Variants in ZNF578 observed in about 807,000 individuals in gnomAD.
ZNF578 encodes zinc finger protein 578.
Under a neutral mutation model 8.3 loss-of-function variants are expected in ZNF578, and 8 were observed. The observed-to-expected ratio is 0.96, with a 90% CI of 0.56 to 1.74. ZNF578 has a LOEUF of 1.74. Ranked by LOEUF, ZNF578 falls within the 40% of genes most tolerant of loss-of-function variation. The probability of loss-of-function intolerance (pLI) is 0.00; values close to 1 mark genes in which losing one functional copy is unlikely to be tolerated. For synonymous variants in ZNF578, 206 were observed against 232.2 expected, an observed-to-expected ratio of 0.89 and a Z score of 1.03; for missense variants, 726 against 707.5, an observed-to-expected ratio of 1.03 and a Z score of -0.30.
intron 1 of ZNF578, chr19:52,455,360 C>T (rs947524552): frequency 6.6e-6 from 1 of 152,152 alleles, no homozygotes; most frequent in Non-Finnish European, 1.5e-5. Flanking sequence ...CTACCACACC[C>T]AGCTACTTTT....
rs779660891 is a variant in ZNF578, at chr19:52,511,537, C to G, written c.1156C>G (p.Leu386Val). The G allele has an allele frequency of 6.2e-7, 1 of 1,613,638 alleles. No individual in the cohort carries two copies. The highest frequency in any genetic ancestry group is 1.3e-5 in the African/African-American group (1 of 74,876). The change falls in exon 6 of 6, where the codon CTT becomes GTT. Residue 386 changes from leucine (L) to valine (V), a missense_variant. By Grantham distance (32) the Leu-to-Val change is conservative (BLOSUM62 1). Coordinates refer to ENST00000421239, the MANE Select transcript of ZNF578 (RefSeq NM_001099694.2). ...CGKMFGQNSTLVIHKAIHTGE... is the reference protein window; with the variant it reads ...CGKMFGQNSTVVIHKAIHTGE... ...CAAGATGTTTGGTCAAAATTCAACC[C>G]TTGTAATTCATAAGGCAATTCATAC...
intron 3 of ZNF578, among the ~76,000 whole-genome samples, chr19:52,492,065 G>A (rs1472821834): frequency 2.0e-5 from 3 of 149,736 alleles, no homozygotes; most frequent in Non-Finnish European, 4.4e-5. Context: ...GGCTGAGGCA[G>A]GAGAATGGCG....
intron 3 of ZNF578, among the ~76,000 whole-genome samples, chr19:52,495,056 G>T (rs1203687639): frequency 6.6e-6 from 1 of 151,376 alleles, no homozygotes; most frequent in Non-Finnish European, 1.5e-5. Flanking sequence ...TATGTTTCCC[G>T]GGGTGGTCTC....
chr19:52,483,615 G>A (rs1191367305), intron 2 of ZNF578, among the ~76,000 whole-genome samples: 15 of 152,190 alleles, frequency 9.9e-5, no homozygotes, highest in East Asian at 9.7e-4. Flanking sequence ...TTATTGTGCA[G>A]TTTGTTTTAT....
At chr19:52,481,170 T>A (rs1269059709) in intron 2 of ZNF578, among the ~76,000 whole-genome samples, 1 of 152,076 alleles carries the variant, frequency 6.6e-6, no homozygotes, top group Non-Finnish European at 1.5e-5. Flanking sequence ...TCTCAGTACC[T>A]CTTTAGGGCA....
chr19:52,494,364 G>T (rs1375248283), intron 3 of ZNF578, among the ~76,000 whole-genome samples: 2 of 152,138 alleles, frequency 1.3e-5, no homozygotes, highest in East Asian at 3.9e-4. Context: ...GGGCATGATA[G>T]TGTAGACCTG....
At chr19:52,505,177 A>T (rs2059421296) in intron 5 of ZNF578, among the ~76,000 whole-genome samples, 1 of 151,700 alleles carries the variant, frequency 6.6e-6, no homozygotes, top group Non-Finnish European at 1.5e-5. Context: ...GTGAGCCACC[A>T]TGCCCAGCTC....
chr19:52,474,403 G>A, intron 2 of ZNF578: 1 of 295,360 alleles, frequency 3.4e-6, no homozygotes, highest in Non-Finnish European at 7.0e-6. Flanking sequence ...CATTACATTT[G>A]TAAGGTTTCT....
chr19:52,489,552 C>G (rs1362403023), intron 2 of ZNF578, among the ~76,000 whole-genome samples: 1 of 152,040 alleles, frequency 6.6e-6, no homozygotes, highest in Non-Finnish European at 1.5e-5. Context: ...CACGCCATTG[C>G]ACTCCAGCCT....
chr19:52,506,259 C>T (rs967829653), intron 5 of ZNF578, among the ~76,000 whole-genome samples: 5 of 152,026 alleles, frequency 3.3e-5, no homozygotes, highest in African/African-American at 9.7e-5. Flanking sequence ...CCACATTTTC[C>T]TCATGTATTT....
At chr19:52,492,252 T>C (rs930290537) in intron 3 of ZNF578, among the ~76,000 whole-genome samples, 9 of 146,336 alleles carry the variant, frequency 6.2e-5, no homozygotes, top group South Asian at 4.4e-4. Flanking sequence ...ACCAGGCTGG[T>C]CTGGACCCCC....
chr19:52,508,416 C>G (rs1170914334), intron 5 of ZNF578, among the ~76,000 whole-genome samples: 1 of 151,938 alleles, frequency 6.6e-6, no homozygotes, highest in Non-Finnish European at 1.5e-5. Flanking sequence ...AAGCCTTAGT[C>G]CTATTCACAA....
At chr19:52,499,020 C>T (rs1031399131) in intron 3 of ZNF578, among the ~76,000 whole-genome samples, 7 of 152,248 alleles carry the variant, frequency 4.6e-5, no homozygotes, top group Non-Finnish European at 8.8e-5. Context: ...ACCAAGGCAG[C>T]CTATTGGCCC....
At chr19:52,460,331 GA>G (rs2059254024) in intron 2 of ZNF578, among the ~76,000 whole-genome samples, 1 of 146,336 alleles carries the variant, frequency 6.8e-6, no homozygotes, top group Admixed American at 6.8e-5. Context: ...TTTTTTTATT[GA>G]TGATGGCCAT....
At chr19:52,485,176 C>G (rs1315328427) in intron 2 of ZNF578, among the ~76,000 whole-genome samples, 3 of 152,124 alleles carry the variant, frequency 2.0e-5, no homozygotes, top group East Asian at 2.0e-4. Context: ...CACACCACCT[C>G]TGGTCTATCT....
chr19:52,508,935 C>T (rs2059434948), intron 5 of ZNF578, among the ~76,000 whole-genome samples: 3 of 135,320 alleles, frequency 2.2e-5, no homozygotes, highest in Admixed American at 1.6e-4. Context: ...GGAGTCCTGC[C>T]CTGTCACCCA....
Position 52,512,105 on chromosome 19 carries a change from C to T in ZNF578, c.1724C>T (p.Ala575Val). Residue 575 changes from alanine (A) to valine (V), a missense_variant, in exon 6 of 6, where the codon GCT (alanine) becomes GTT (valine). By Grantham distance (64) the Ala-to-Val change is moderately conservative (BLOSUM62 0). Coordinates refer to ENST00000421239, the MANE Select transcript of ZNF578 (RefSeq NM_001099694.2). ...TACAAGTGTAATGAGTGTGGTAAGG[C>T]TCACAATCACTTGATTGATTCATCA... The part of the protein sequence containing the change: ...KPYKCNECGK[A>V]HNHLIDSSIK... The T allele has an allele frequency of 3.1e-6, 5 of 1,612,838 alleles. No homozygotes were observed. Among genetic ancestry groups the T allele is most frequent in the Non-Finnish European group, 3.4e-6 (4 of 1,179,534 alleles).
At chr19:52,483,233 T>G (rs2059333379) in intron 2 of ZNF578, among the ~76,000 whole-genome samples, 1 of 151,968 alleles carries the variant, frequency 6.6e-6, no homozygotes, top group African/African-American at 2.4e-5. Context: ...CTGACCAACA[T>G]GGAGAAACCC....
At chr19:52,484,109 G>GT (rs1195689955) in intron 2 of ZNF578, among the ~76,000 whole-genome samples, 1 of 152,202 alleles carries the variant, frequency 6.6e-6, no homozygotes, top group African/African-American at 2.4e-5. Context: ...AGGAAAACTT[G>GT]TGAACAAATG....
Sources: allele counts gnomAD v4.1 joint callset (sites outside exome capture counted in the v4.1 genomes callset), GRCh38; gene constraint gnomAD v4.1.1; transcripts MANE v1.5; gene names NCBI Gene and HGNC (gene_info 2026-07-23, HGNC 2026-07-21).